Variants in HS6ST3 observed in about 807,000 individuals in gnomAD.
HS6ST3 encodes the protein heparan-sulfate 6-O-sulfotransferase 3.
In HS6ST3, 12 loss-of-function variants were observed where a neutral mutation model predicts 36.7. That is an observed-to-expected ratio of 0.33 (90% confidence interval 0.21 to 0.53). HS6ST3 has a LOEUF of 0.53. HS6ST3 is among the 20% of genes least tolerant of loss of function. The pLI, the probability that HS6ST3 is intolerant of heterozygous loss-of-function variation, is 0.95. For synonymous variants in HS6ST3, 240 were observed against 257.5 expected (o/e 0.93, Z 0.65); for missense variants, 584 against 640.9 (o/e 0.91, Z 0.96).
intron 1 of HS6ST3, among the ~76,000 whole-genome samples, chr13:96,492,956 G>A (rs992533422): frequency 2.0e-5 from 3 of 152,128 alleles, no homozygotes; most frequent in East Asian, 1.9e-4. Flanking sequence ...GACAGATGCC[G>A]CTAATTCACA....
At chr13:96,787,353 C>A (rs904657111) in intron 1 of HS6ST3, among the ~76,000 whole-genome samples, 9 of 152,032 alleles carry the variant, frequency 5.9e-5, no homozygotes, top group African/African-American at 2.2e-4. Context: ...TTATTCCTAT[C>A]AGCAATATAT....
rs147435116 is a variant in HS6ST3 at position 96,570,073 on chromosome 13, G to A, written c.708-262417G>A. Among the ~76,000 whole-genome samples the A allele has an allele frequency of 2.6e-3, 398 of 152,266 alleles. 1 individual carries two copies. The highest frequency in any genetic ancestry group is 9.1e-3 in the African/African-American group (378 of 41,554). On this transcript the variant is annotated intron_variant, in intron 1 of 1. Coordinates refer to ENST00000376705, the MANE Select transcript of HS6ST3 (RefSeq NM_153456.4). Reference sequence around the variant, plus strand: ...TTTATGTTTCATTTTATAGGAATATGCAATGTCAACACTTCCAGTGTTGTT... The same window carrying A: ...TTTATGTTTCATTTTATAGGAATATACAATGTCAACACTTCCAGTGTTGTT...
chr13:96,589,918 T>TA (rs2056376519), intron 1 of HS6ST3, among the ~76,000 whole-genome samples: 2 of 152,270 alleles, frequency 1.3e-5, no homozygotes, highest in Non-Finnish European at 2.9e-5. Context: ...CTCCCACATA[T>TA]AAGTTATAAG....
intron 1 of HS6ST3, among the ~76,000 whole-genome samples, chr13:96,114,986 ATAGT>A (rs1445133864): frequency 4.6e-5 from 7 of 151,754 alleles, no homozygotes; most frequent in East Asian, 1.9e-4. Context: ...ACTGGGTTTA[ATAGT>A]TAGTCCAAGT....
At chr13:96,805,893 A>G (rs1878186769) in intron 1 of HS6ST3, among the ~76,000 whole-genome samples, 1 of 152,202 alleles carries the variant, frequency 6.6e-6, no homozygotes, top group Non-Finnish European at 1.5e-5. Context: ...TTCAGTTACC[A>G]AAAAACCTAT....
intron 1 of HS6ST3, among the ~76,000 whole-genome samples, chr13:96,196,527 T>C (rs2054314943): frequency 6.6e-6 from 1 of 152,208 alleles, no homozygotes; most frequent in South Asian, 2.1e-4. Context: ...CAAAACAGCA[T>C]AGAGAGAATG....
At chr13:96,746,686 T>C (rs1232653520) in intron 1 of HS6ST3, among the ~76,000 whole-genome samples, 3 of 152,102 alleles carry the variant, frequency 2.0e-5, no homozygotes, top group Non-Finnish European at 4.4e-5. Context: ...AGATATAACA[T>C]TTGAACACTT....
chr13:96,412,431 A>G (rs2055512713), intron 1 of HS6ST3, among the ~76,000 whole-genome samples: 1 of 152,128 alleles, frequency 6.6e-6, no homozygotes, highest in African/African-American at 2.4e-5. Flanking sequence ...TTCTAGGGAG[A>G]GTTTTTGTAA....
At chr13:96,600,956 T>C (rs774734911) in intron 1 of HS6ST3, among the ~76,000 whole-genome samples, 5 of 152,172 alleles carry the variant, frequency 3.3e-5, no homozygotes, top group Non-Finnish European at 7.4e-5. Flanking sequence ...AATTCTTGGC[T>C]GGCGGTTATT....
At chr13:96,186,496 T>C (rs2054265625) in intron 1 of HS6ST3, among the ~76,000 whole-genome samples, 1 of 152,220 alleles carries the variant, frequency 6.6e-6, no homozygotes. Flanking sequence ...GTTCTGTGGA[T>C]GGGTCTTGAA....
chr13:96,465,001 C>T (rs986918760), intron 1 of HS6ST3, among the ~76,000 whole-genome samples: 7 of 150,134 alleles, frequency 4.7e-5, no homozygotes, highest in Admixed American at 1.3e-4. Context: ...TGCCCACACA[C>T]GAGGAACTTT....
chr13:96,798,001 G>T (rs1172645965), intron 1 of HS6ST3, among the ~76,000 whole-genome samples: 3 of 151,996 alleles, frequency 2.0e-5, no homozygotes, highest in African/African-American at 7.2e-5. Context: ...AAGCCCACAG[G>T]TTGGTTTACC....
At chr13:96,400,929 A>T (rs1005936396) in intron 1 of HS6ST3, among the ~76,000 whole-genome samples, 1 of 152,096 alleles carries the variant, frequency 6.6e-6, no homozygotes, top group Non-Finnish European at 1.5e-5. Context: ...TATAAGGGAG[A>T]TAGAAATGGA....
At chr13:96,208,530 T>TAG (rs2054383204) in intron 1 of HS6ST3, among the ~76,000 whole-genome samples, 1 of 152,190 alleles carries the variant, frequency 6.6e-6, no homozygotes, top group African/African-American at 2.4e-5. Flanking sequence ...TCTTTAGAGA[T>TAG]TTACTAATAC....
intron 1 of HS6ST3, among the ~76,000 whole-genome samples, chr13:96,124,258 A>C (rs2053939937): frequency 6.6e-6 from 1 of 152,114 alleles, no homozygotes; most frequent in Admixed American, 6.6e-5. Context: ...CTAGGTGTGA[A>C]GTTATTAACC....
intron 1 of HS6ST3, among the ~76,000 whole-genome samples, chr13:96,671,431 T>C (rs1351202627): frequency 6.6e-6 from 1 of 152,182 alleles, no homozygotes. Context: ...ATGTCCAGGA[T>C]TGACCTATGG....
chr13:96,205,424 C>T (rs2054365042), intron 1 of HS6ST3, among the ~76,000 whole-genome samples: 1 of 152,116 alleles, frequency 6.6e-6, no homozygotes, highest in African/African-American at 2.4e-5. Flanking sequence ...ACCATTTCTA[C>T]TGAAACTATT....
chr13:96,608,240 CTAAG>C (rs2138986797), intron 1 of HS6ST3, among the ~76,000 whole-genome samples: 1 of 152,240 alleles, frequency 6.6e-6, no homozygotes, highest in South Asian at 2.1e-4. Context: ...AACTATACCA[CTAAG>C]TATCTAAATA....
chr13:96,219,066 G>T (rs2054441775), intron 1 of HS6ST3, among the ~76,000 whole-genome samples: 2 of 152,114 alleles, frequency 1.3e-5, no homozygotes, highest in South Asian at 2.1e-4. Context: ...GCCAGTCCCT[G>T]TACATTTTCC....
Sources: gnomAD v4.1 joint callset for allele counts (sites outside exome capture counted in the v4.1 genomes callset) on GRCh38, gnomAD v4.1.1 for gene constraint, MANE v1.5 for transcripts, NCBI Gene and HGNC (gene_info 2026-07-23, HGNC 2026-07-21) for gene names.